The following EXOC4 variants were observed in gnomAD, a reference collection of about 807,000 sequenced individuals.
EXOC4 encodes the protein exocyst complex component 4.
Under a neutral mutation model 107.2 loss-of-function variants are expected in EXOC4, and 71 were observed. That is an observed-to-expected ratio of 0.66 (90% confidence interval 0.55 to 0.81). EXOC4 has a LOEUF of 0.81. Among genes scored for constraint, EXOC4 ranks in the 30% least tolerant of loss-of-function variants. EXOC4 has a pLI of 0.00. For missense variants in EXOC4, 1,108 were observed against 1,189.6 expected, an observed-to-expected ratio of 0.93 and a Z score of 1.01; for synonymous variants, 456 against 441.2, an observed-to-expected ratio of 1.03 and a Z score of -0.42.
At chr7:133,698,139 ATG>A (rs1253265099) in intron 10 of EXOC4, among the ~76,000 whole-genome samples, 2 of 151,134 alleles carry the variant, frequency 1.3e-5, no homozygotes, top group Admixed American at 1.3e-4. Context: ...ATGTTGATTT[ATG>A]TGTGTGACCT....
the EXOC4 span, among the ~76,000 whole-genome samples, chr7:134,100,558 G>C: frequency 7.7e-6 from 1 of 129,262 alleles, no homozygotes; most frequent in East Asian, 2.1e-4. Context: ...GCATTCAGCA[G>C]TTCGGTTCTA....
the EXOC4 span, among the ~76,000 whole-genome samples, chr7:134,082,039 A>G: frequency 6.6e-6 from 1 of 152,226 alleles, no homozygotes; most frequent in Non-Finnish European, 1.5e-5. Context: ...TCCAGACCCC[A>G]AGAGAGGGTT....
rs76151943 is a variant in EXOC4 at position 133,580,117 on chromosome 7, C to T, written c.1418-49928C>T. On this transcript the variant is annotated intron_variant, in intron 9 of 17. Transcript: ENST00000253861. ...ATGTTCTCAAAGTTTATCCATGTGA[C>T]ACTATGTGTCAGAATTCCCTTACTT... Among the ~76,000 whole-genome samples, 399 of 152,336 alleles carry T rather than the reference C, an allele frequency of 2.6e-3. 1 individual carries two copies. Among genetic ancestry groups the T allele is most frequent in the African/African-American group, 9.3e-3 (387 of 41,578 alleles).
At chr7:133,260,423 G>A (rs1383344019) in intron 1 of EXOC4, among the ~76,000 whole-genome samples, 4 of 151,954 alleles carry the variant, frequency 2.6e-5, no homozygotes, top group South Asian at 2.1e-4. Flanking sequence ...ATAGGCGTGC[G>A]CCACCACACC....
intron 10 of EXOC4, among the ~76,000 whole-genome samples, chr7:133,657,878 A>T (rs1803338862): frequency 6.6e-6 from 1 of 152,198 alleles, no homozygotes. Flanking sequence ...TCAATTACTG[A>T]ACACCCATTG....
In EXOC4 at chr7:133,306,042, A is replaced by G; in HGVS notation, c.637A>G (p.Lys213Glu). The change falls in exon 4 of 18, where the codon AAG becomes GAG. Residue 213 changes from lysine (K) to glutamate (E), a missense_variant. Lys to Glu is a moderately conservative substitution (Grantham distance 56). Transcript: ENST00000253861. ...KSTSRVVQRN[K>E]EKGKISSLVK... ...GACTAGCCGAGTTGTGCAGCGTAAC[A>G]AGGAAAAAGGGAAAATCAGGTTAAA... The G allele has an allele frequency of 5.0e-6, 8 of 1,611,784 alleles. No homozygotes were observed. The highest frequency in any genetic ancestry group is 6.8e-6 in the Non-Finnish European group (8 of 1,178,912).
chr7:133,979,236 G>A (rs1281600136), intron 14 of EXOC4, among the ~76,000 whole-genome samples: 1 of 152,058 alleles, frequency 6.6e-6, no homozygotes, highest in Non-Finnish European at 1.5e-5. Flanking sequence ...AAACTTCATA[G>A]GTATCATAAT....
intron 9 of EXOC4, among the ~76,000 whole-genome samples, chr7:133,514,224 G>T (rs1050073626): frequency 1.3e-5 from 2 of 151,744 alleles, no homozygotes; most frequent in African/African-American, 4.8e-5. Context: ...GAGTGCATTG[G>T]CGCGATCTCA....
At chr7:133,874,612 C>T (rs536727086) in intron 11 of EXOC4, among the ~76,000 whole-genome samples, 23 of 152,300 alleles carry the variant, frequency 1.5e-4, no homozygotes, top group African/African-American at 2.6e-4. Context: ...GAGGTGCACG[C>T]GTAACTGAGG....
rs1184914160 is a variant in EXOC4, at chr7:133,423,087, G to A, written c.1182+48085G>A. Among the ~76,000 whole-genome samples, 2 of 35,620 alleles carry A rather than the reference G, an allele frequency of 5.6e-5. 1 individual carries two copies. The highest frequency in any genetic ancestry group is 9.2e-5 in the Non-Finnish European group (2 of 21,652). The allele number at this position is 35,620 out of a possible 152,430, so 23.4% of individuals were successfully genotyped here. A position where few individuals can be genotyped will look rare whatever the true frequency, so the allele number is the denominator to read the frequency against. Reference sequence around the variant, plus strand: ...CAAAAAATTAGCCGGGCGCGGTGGCGGGCGCCTGTAGTCCCAGCTACTGGG... The same window carrying A: ...CAAAAAATTAGCCGGGCGCGGTGGCAGGCGCCTGTAGTCCCAGCTACTGGG... On this transcript the variant is annotated intron_variant, in intron 7 of 17. Coordinates refer to ENST00000253861, the MANE Select transcript of EXOC4 (RefSeq NM_021807.4).
chr7:133,745,131 C>CT (rs1376033236), intron 10 of EXOC4, among the ~76,000 whole-genome samples: 1 of 151,936 alleles, frequency 6.6e-6, no homozygotes, highest in Admixed American at 6.6e-5. Flanking sequence ...ACTGCTCTGC[C>CT]TTTTTTCTTT....
intron 7 of EXOC4, among the ~76,000 whole-genome samples, chr7:133,392,660 A>G (rs977108332): frequency 2.6e-5 from 4 of 152,192 alleles, no homozygotes; most frequent in African/African-American, 7.2e-5. Flanking sequence ...GAAAAATTTC[A>G]GGTTCCTGGA....
intron 10 of EXOC4, among the ~76,000 whole-genome samples, chr7:133,696,722 T>C (rs1055943361): frequency 1.3e-5 from 2 of 152,222 alleles, no homozygotes; most frequent in African/African-American, 4.8e-5. Flanking sequence ...AGCAGTGCAT[T>C]AATCCCACTT....
At chr7:133,868,133 T>G (rs1798680157) in intron 11 of EXOC4, among the ~76,000 whole-genome samples, 1 of 152,244 alleles carries the variant, frequency 6.6e-6, no homozygotes, top group South Asian at 2.1e-4. Flanking sequence ...AAAGGAGTTC[T>G]TTACCTTTTA....
rs139040668 is a variant in EXOC4 at position 133,938,001 on chromosome 7, T to C, written c.2138T>C (p.Met713Thr). 3.0e-5 allele frequency: 48 copies of C among 1,614,026 alleles called. No homozygotes were observed. The African/African-American group carries it at 4.7e-4, about 16-fold the overall frequency. The change falls in exon 14 of 18, where the codon ATG (methionine) becomes ACG (threonine). Residue 713 changes from methionine (M) to threonine (T), a missense_variant. Coordinates refer to ENST00000253861, the MANE Select transcript of EXOC4 (RefSeq NM_021807.4). ...DVSDLKALAN[M>T]HESLEWLASR... ...AGTGACCTCAAAGCCTTGGCCAACA[T>C]GCATGAAAGCCTGGAATGGTTGGCA... is the stretch of plus-strand genomic sequence containing the variant.
rs576260985 is a variant in EXOC4, at chr7:133,403,217, C to G, written c.1182+28215C>G. Among the ~76,000 whole-genome samples, 8 of 152,278 alleles carry G rather than the reference C, an allele frequency of 5.3e-5. No individual in the cohort carries two copies. The South Asian group carries it at 1.0e-3, about 20-fold the overall frequency. ...TAATATTTCTTAGAAGGAGAGAAAT[C>G]CTTTACTCACAGGAACTGTACACAC... On this transcript the variant is annotated intron_variant, in intron 7 of 17. Coordinates refer to ENST00000253861, the MANE Select transcript of EXOC4 (RefSeq NM_021807.4).
At chr7:134,001,360 G>T (rs953129261) in intron 15 of EXOC4, among the ~76,000 whole-genome samples, 2 of 152,102 alleles carry the variant, frequency 1.3e-5, no homozygotes, top group Admixed American at 6.6e-5. Context: ...AGCAGTGTTT[G>T]CAGAATACGT....
At chr7:133,968,873 T>G (rs1801134088) in intron 14 of EXOC4, among the ~76,000 whole-genome samples, 1 of 152,306 alleles carries the variant, frequency 6.6e-6, no homozygotes, top group South Asian at 2.1e-4. Context: ...TTTCCTGAAT[T>G]TGAATGTTGG....
chr7:133,791,759 A>G (rs1796707419), intron 10 of EXOC4, among the ~76,000 whole-genome samples: 1 of 152,192 alleles, frequency 6.6e-6, no homozygotes, highest in South Asian at 2.1e-4. Context: ...ATCCAGAGCT[A>G]TTGGCCCATG....
Sources: allele counts gnomAD v4.1 joint callset (sites outside exome capture counted in the v4.1 genomes callset), GRCh38; gene constraint gnomAD v4.1.1; transcripts MANE v1.5; gene names NCBI Gene and HGNC (gene_info 2026-07-23, HGNC 2026-07-21).